The following KLHDC1 variants were observed in gnomAD, a reference collection of about 807,000 sequenced individuals.
The protein encoded by KLHDC1 is kelch domain containing 1, also known as kelch domain-containing protein 1.
KLHDC1 carries 53 observed loss-of-function variants against 68.3 expected under a neutral mutation model. The observed-to-expected ratio is 0.78, with a 90% CI of 0.62 to 0.98. KLHDC1 has a LOEUF of 0.98. KLHDC1 is among the 50% of genes least tolerant of loss of function. The probability of loss-of-function intolerance (pLI) is 0.00; values close to 1 mark genes in which losing one functional copy is unlikely to be tolerated. For missense variants in KLHDC1, 470 were observed against 492.3 expected (o/e 0.95, Z 0.43); for synonymous variants, 148 against 159.0 (o/e 0.93, Z 0.52).
Position 49,731,017 on chromosome 14 carries a change from C to T in KLHDC1, c.710+1469C>T, listed in dbSNP as rs144399746. 2.2e-4 allele frequency among the ~76,000 whole-genome samples: 34 copies of T among 151,926 alleles called. No homozygotes were observed. In the East Asian group the frequency reaches 6.0e-3, roughly 27 times the overall value. On this transcript the variant is annotated intron_variant, in intron 8 of 12. Coordinates refer to ENST00000359332, the MANE Select transcript of KLHDC1 (RefSeq NM_172193.3). ...AAAACCAGGCAGGTGCAGTGGTACACGCCTGTAATCCCAGTACTTTGGGAG... is the reference window on the plus strand; with the variant it reads ...AAAACCAGGCAGGTGCAGTGGTACATGCCTGTAATCCCAGTACTTTGGGAG...
At chr14:49,705,365 C>CTTTCTTTTTTTT (rs1888020924) in intron 1 of KLHDC1, among the ~76,000 whole-genome samples, 1 of 71,664 alleles carries the variant, frequency 1.4e-5, no homozygotes, top group Non-Finnish European at 2.4e-5. Context: ...TTCTTTCTTT[C>CTTTCTTTTTTTT]TTTTTTTTTT....
chr14:49,744,316 GTGTGTGTGTA>G (rs781476532), intron 12 of KLHDC1, among the ~76,000 whole-genome samples: 93 of 144,906 alleles, frequency 6.4e-4, no homozygotes, highest in Non-Finnish European at 1.2e-3. Flanking sequence ...GTGTGTGTGT[GTGTGTGTGTA>G]TGTACACATA....
intron 8 of KLHDC1, among the ~76,000 whole-genome samples, chr14:49,732,420 G>T (rs763293481): frequency 1.3e-5 from 2 of 152,094 alleles, no homozygotes; most frequent in African/African-American, 4.8e-5. Context: ...CAATCCACCC[G>T]CCTTGACCTC....
At chr14:49,717,030 A>G (rs975040544) in intron 4 of KLHDC1, among the ~76,000 whole-genome samples, 4 of 152,176 alleles carry the variant, frequency 2.6e-5, no homozygotes, top group African/African-American at 9.7e-5. Flanking sequence ...AAGGTGCATT[A>G]TGTTGTAGCA....
At chr14:49,745,047 A>T (rs1566621215) in intron 12 of KLHDC1, among the ~76,000 whole-genome samples, 1 of 152,168 alleles carries the variant, frequency 6.6e-6, no homozygotes, top group Non-Finnish European at 1.5e-5. Flanking sequence ...GATTTGAGAG[A>T]TGTAGAAGTT....
At chr14:49,717,158 A>G (rs1888400480) in intron 4 of KLHDC1, among the ~76,000 whole-genome samples, 5 of 152,204 alleles carry the variant, frequency 3.3e-5, no homozygotes, top group Admixed American at 3.3e-4. Flanking sequence ...CTATTTGTGA[A>G]TAATGCTGCT....
intron 12 of KLHDC1, among the ~76,000 whole-genome samples, chr14:49,746,091 G>C (rs1323061582): frequency 6.6e-6 from 1 of 152,108 alleles, no homozygotes; most frequent in Non-Finnish European, 1.5e-5. Context: ...AGGGAGAATG[G>C]ACTTGGTAGT....
intron 1 of KLHDC1, among the ~76,000 whole-genome samples, chr14:49,705,115 G>A (rs1888013409): frequency 6.6e-6 from 1 of 152,094 alleles, no homozygotes; most frequent in Admixed American, 6.6e-5. Flanking sequence ...GAGGAGTTAG[G>A]CAAACTCTGA....
Position 49,729,522 on chromosome 14 carries a change from C to A in KLHDC1, c.684C>A (p.Asn228Lys). 6.2e-7 allele frequency: 1 copy of A among 1,610,724 alleles called. No individual in the cohort carries two copies. Among genetic ancestry groups the A allele is most frequent in the Non-Finnish European group, 8.5e-7 (1 of 1,177,284 alleles). The change falls in exon 8 of 13, where the codon AAC becomes AAA. Residue 228 changes from asparagine (N) to lysine (K), a missense_variant. Coordinates refer to ENST00000359332, the MANE Select transcript of KLHDC1 (RefSeq NM_172193.3). ...GGATGAATGATTTGCACTATCTAAA[C>A]CTAGACACCTGGACTTGGTCTGGAA... ...QTRMNDLHYL[N>K]LDTWTWSGRI...
intron 4 of KLHDC1, among the ~76,000 whole-genome samples, chr14:49,713,837 TATATATA>T (rs1169441585): frequency 0.021 from 107 of 5,148 alleles, 21 homozygotes; most frequent in Non-Finnish European, 0.045. Context: ...TATATATATA[TATATATA>T]TATATATTTT....
rs1245763108 is a variant in KLHDC1 at position 49,740,164 on chromosome 14, C to CT, written c.965dup (p.Leu322PhefsTer10). On this transcript the variant is annotated frameshift_variant, in exon 11 of 13. Coordinates refer to ENST00000359332, the MANE Select transcript of KLHDC1 (RefSeq NM_172193.3). LOFTEE classifies it high-confidence loss of function. ...TGGTATTTGGTGGGAGCAAAGATGA[C>CT]TTACTTGCCTTGGATACAGTAAGAA... 6.2e-7 allele frequency: 1 copy of CT among 1,604,778 alleles called. No homozygotes were observed. The highest frequency in any genetic ancestry group is 8.5e-7 in the Non-Finnish European group (1 of 1,172,178).
At chr14:49,693,370 C>T in intron 1 of KLHDC1, 80 bp downstream of exon 1, 1 of 1,057,876 alleles carries the variant, frequency 9.5e-7, no homozygotes, top group Non-Finnish European at 1.3e-6. Flanking sequence ...GCCACACCCG[C>T]TCCCGAGGCT....
chr14:49,715,644 C>T (rs1888350294), intron 4 of KLHDC1, among the ~76,000 whole-genome samples: 1 of 146,550 alleles, frequency 6.8e-6, no homozygotes, highest in East Asian at 2.0e-4. Context: ...ACTTAGGAGG[C>T]TGAGGCGGGA....
At chr14:49,730,222 GTT>G (rs11340525) in intron 8 of KLHDC1, among the ~76,000 whole-genome samples, 190 of 98,924 alleles carry the variant, frequency 1.9e-3, no homozygotes, top group South Asian at 3.2e-3. Flanking sequence ...ATATTTGCAG[GTT>G]TTTTTTTTTT....
intron 11 of KLHDC1, 44 bp from the exon 12 acceptor site, chr14:49,743,703 CATTGTT>C (rs762347995): frequency 2.9e-6 from 3 of 1,035,272 alleles, no homozygotes; most frequent in Admixed American, 2.0e-5. Flanking sequence ...ATTATTAACT[CATTGTT>C]ATTTTTATCA....
chr14:49,735,614 T>G (rs1296769934), intron 10 of KLHDC1, among the ~76,000 whole-genome samples: 2 of 152,314 alleles, frequency 1.3e-5, no homozygotes, highest in Non-Finnish European at 2.9e-5. Flanking sequence ...TGAAATTTTT[T>G]TTTTTTAATG....
At chr14:49,708,863 T>C (rs1888126462) in intron 1 of KLHDC1, 1 of 181,068 alleles carries the variant, frequency 5.5e-6, no homozygotes, top group Non-Finnish European at 1.1e-5. Context: ...TAAATCTTAT[T>C]GTTTTGCTAT....
intron 10 of KLHDC1, among the ~76,000 whole-genome samples, chr14:49,737,007 C>A (rs1352295971): frequency 6.6e-6 from 1 of 152,148 alleles, no homozygotes; most frequent in Non-Finnish European, 1.5e-5. Flanking sequence ...TCAGCAAGGA[C>A]CCTTTTTTAT....
At chr14:49,710,188 T>C in intron 3 of KLHDC1, 75 bp from the exon 4 acceptor site, 1 of 792,026 alleles carries the variant, frequency 1.3e-6, no homozygotes, top group Non-Finnish European at 2.1e-6. Flanking sequence ...GTATTAATTC[T>C]TGGATCACAT....
Sources: allele counts gnomAD v4.1 joint callset (sites outside exome capture counted in the v4.1 genomes callset), GRCh38; gene constraint gnomAD v4.1.1; transcripts MANE v1.5; gene names NCBI Gene and HGNC (gene_info 2026-07-23, HGNC 2026-07-21).